Variants in PTGER2 observed in about 807,000 individuals in gnomAD.
The protein encoded by PTGER2 is prostaglandin E receptor 2.
A neutral mutation model predicts 26.2 loss-of-function variants in PTGER2; 22 were observed. The observed-to-expected ratio is 0.84, with a 90% CI of 0.60 to 1.20. The LOEUF is 1.20. Ranked by LOEUF, PTGER2 falls within the 50% of genes most tolerant of loss-of-function variation. PTGER2 has a pLI of 0.00. For missense variants in PTGER2, 458 were observed against 475.2 expected, an observed-to-expected ratio of 0.96 and a Z score of 0.34; for synonymous variants, 219 against 208.9, an observed-to-expected ratio of 1.05 and a Z score of -0.42.
intron 1 of PTGER2, among the ~76,000 whole-genome samples, chr14:52,318,904 T>G (rs1193500157): frequency 6.6e-6 from 1 of 152,154 alleles, no homozygotes. Flanking sequence ...AATGCTAACT[T>G]TTGCATTAAC....
chr14:52,327,150 A>G, intron 1 of PTGER2, 71 bp from the exon 2 acceptor site: 2 of 1,137,478 alleles, frequency 1.8e-6, no homozygotes, highest in South Asian at 1.5e-5. Context: ...CTCAAGACAT[A>G]ACATAGGGTC....
At chr14:52,317,273 C>T (rs140499524) in intron 1 of PTGER2, among the ~76,000 whole-genome samples, 12 of 152,150 alleles carry the variant, frequency 7.9e-5, no homozygotes, top group South Asian at 6.2e-4. Flanking sequence ...ACTTGTGAAA[C>T]GATTTTTAGT....
chr14:52,317,948 T>C (rs1438499659), intron 1 of PTGER2, among the ~76,000 whole-genome samples: 1 of 152,266 alleles, frequency 6.6e-6, no homozygotes, highest in Non-Finnish European at 1.5e-5. Context: ...GAATAATTGC[T>C]AGTATCTTTC....
Position 52,314,933 on chromosome 14 carries a change from G to T in PTGER2, c.385G>T (p.Ala129Ser), listed in dbSNP as rs762280481. 6.2e-7 allele frequency: 1 copy of T among 1,612,688 alleles called. No homozygotes were observed. Among genetic ancestry groups the T allele is most frequent in the Admixed American group, 1.7e-5 (1 of 59,964 alleles). The part of the protein sequence containing the change: ...FSLATMLMLF[A>S]MALERYLSIG... Reference sequence around the variant, plus strand: ...CCTGGCCACGATGCTCATGCTCTTCGCCATGGCCCTGGAGCGCTACCTCTC... The same window carrying T: ...CCTGGCCACGATGCTCATGCTCTTCTCCATGGCCCTGGAGCGCTACCTCTC... Residue 129 changes from alanine to serine, a missense_variant, in exon 1 of 2, where the codon GCC becomes TCC. Coordinates refer to ENST00000245457, the MANE Select transcript of PTGER2 (RefSeq NM_000956.4). The surrounding 1 kb of genome is among the most constrained non-coding windows in gnomAD (Gnocchi z 5.7).
chr14:52,319,369 G>T (rs919498453), intron 1 of PTGER2, among the ~76,000 whole-genome samples: 1 of 152,146 alleles, frequency 6.6e-6, no homozygotes, highest in African/African-American at 2.4e-5. Context: ...GAAATAATCA[G>T]ATTATCCCTC....
intron 1 of PTGER2, among the ~76,000 whole-genome samples, chr14:52,322,590 A>G (rs1018144492): frequency 6.6e-6 from 1 of 152,128 alleles, no homozygotes; most frequent in Non-Finnish European, 1.5e-5. Context: ...CAAATTAACC[A>G]GGGTGGGTTT....
At position 52,314,560 on chromosome 14, in the gene PTGER2, C is replaced by T; in HGVS notation, c.12C>T (p.Ala4=). The change falls in exon 1 of 2, where the codon GCC becomes GCT. Residue 4 remains alanine, a synonymous_variant. Transcript: ENST00000245457. This position sits in a 1 kb window ranked among gnomAD's most constrained non-coding sequence, Gnocchi z 5.7. ...CCAGGCACCCCACCATGGGCAATGC[C>T]TCCAATGACTCCCAGTCTGAGGACT... is the stretch of plus-strand genomic sequence containing the variant. The part of the protein sequence containing the change: MGN[A]SNDSQSEDCE... The T allele has an allele frequency of 6.7e-7, 1 of 1,497,034 alleles. No homozygotes were observed. The allele number at this position is 1,497,034 out of a possible 1,614,324, so 92.7% of individuals were successfully genotyped here.
intron 1 of PTGER2, among the ~76,000 whole-genome samples, chr14:52,317,649 G>C (rs1271158371): frequency 6.6e-6 from 1 of 152,090 alleles, no homozygotes; most frequent in Non-Finnish European, 1.5e-5. Flanking sequence ...TGGCTTAGGG[G>C]GAGCCAGATG....
At chr14:52,322,643 G>A (rs1218301416) in intron 1 of PTGER2, among the ~76,000 whole-genome samples, 2 of 152,092 alleles carry the variant, frequency 1.3e-5, no homozygotes, top group Non-Finnish European at 2.9e-5. Flanking sequence ...CAGGAGACCA[G>A]GGCGTATTTC....
At chr14:52,320,410 C>T (rs1594637535) in intron 1 of PTGER2, among the ~76,000 whole-genome samples, 1 of 152,220 alleles carries the variant, frequency 6.6e-6, no homozygotes, top group East Asian at 1.9e-4. Context: ...TGGGTCCTCA[C>T]TGCTATCTCA....
chr14:52,320,151 T>C (rs549713935), intron 1 of PTGER2, among the ~76,000 whole-genome samples: 74 of 152,366 alleles, frequency 4.9e-4, no homozygotes, highest in African/African-American at 1.5e-3. Flanking sequence ...GAAGGCCCTT[T>C]ATCATTTAAG....
Position 52,328,122 on chromosome 14 carries a change from A to G in PTGER2, c.*668A>G, listed in dbSNP as rs186059271. 1 of 152,744 alleles carries G rather than the reference A, an allele frequency of 6.5e-6. No individual in the cohort carries two copies. Among genetic ancestry groups the G allele is most frequent in the African/African-American group, 2.4e-5 (1 of 41,586 alleles). 9.5% of individuals were successfully genotyped at this position (152,744 alleles called of 1,614,324 possible). A position where few individuals can be genotyped will look rare whatever the true frequency, so the allele number is the denominator to read the frequency against. ...TCAGGTTATTTATTTTATAATGTCCATATGCTAATAGTGATCAAGAAGACT... is the reference window on the plus strand; with the variant it reads ...TCAGGTTATTTATTTTATAATGTCCGTATGCTAATAGTGATCAAGAAGACT... On this transcript the variant is annotated 3_prime_UTR_variant, in exon 2 of 2. Coordinates refer to ENST00000245457, the MANE Select transcript of PTGER2 (RefSeq NM_000956.4).
At chr14:52,318,613 G>A (rs1474661077) in intron 1 of PTGER2, among the ~76,000 whole-genome samples, 1 of 152,162 alleles carries the variant, frequency 6.6e-6, no homozygotes, top group Non-Finnish European at 1.5e-5. Context: ...CTGGCAACAA[G>A]GAGGACAGCT....
intron 1 of PTGER2, among the ~76,000 whole-genome samples, chr14:52,317,291 C>CT (rs2033850641): frequency 6.6e-6 from 1 of 152,150 alleles, no homozygotes; most frequent in Non-Finnish European, 1.5e-5. Flanking sequence ...AGTCTCTTTC[C>CT]TACACGAGCA....
Position 52,314,841 on chromosome 14 carries a change from C to A in PTGER2, c.293C>A (p.Thr98Asn). The stretch of plus-strand genomic sequence containing the variant: ...CTGGCTTCGTACGCGCGGAACCAGA[C>A]CCTGGTGGCACTGGCGCCCGAGAGC... ...VVLASYARNQ[T>N]LVALAPESRA... is the part of the protein sequence containing the mutation. The change falls in exon 1 of 2, where the codon ACC (threonine) becomes AAC (asparagine). Residue 98 changes from threonine to asparagine, a missense_variant. Transcript: ENST00000245457. The surrounding 1 kb of genome is among the most constrained non-coding windows in gnomAD (Gnocchi z 5.7). 2 of 1,613,128 alleles carry A rather than the reference C, an allele frequency of 1.2e-6. No homozygotes were observed. The highest frequency in any genetic ancestry group is 1.7e-6 in the Non-Finnish European group (2 of 1,179,982).
At chr14:52,316,463 A>T (rs1029720748) in intron 1 of PTGER2, among the ~76,000 whole-genome samples, 2 of 152,152 alleles carry the variant, frequency 1.3e-5, no homozygotes, top group East Asian at 3.8e-4. Flanking sequence ...TCCACTTCCT[A>T]ATCTTCAGAA....
intron 1 of PTGER2, among the ~76,000 whole-genome samples, chr14:52,325,335 C>A (rs2033939475): frequency 6.6e-6 from 1 of 152,188 alleles, no homozygotes; most frequent in Admixed American, 6.5e-5. Context: ...GTGGGTTATT[C>A]TCCCCTGAAA....
At chr14:52,324,761 A>G (rs2033932471) in intron 1 of PTGER2, among the ~76,000 whole-genome samples, 1 of 152,234 alleles carries the variant, frequency 6.6e-6, no homozygotes, top group Non-Finnish European at 1.5e-5. Context: ...GACAAGAACC[A>G]AAAGAAAAAA....
intron 1 of PTGER2, among the ~76,000 whole-genome samples, chr14:52,317,580 G>T (rs752757113): frequency 6.6e-6 from 1 of 152,202 alleles, no homozygotes; most frequent in Non-Finnish European, 1.5e-5. Flanking sequence ...TGGCTAAAAG[G>T]TGTTGAGGGA....
Sources: gnomAD v4.1 joint callset for allele counts (sites outside exome capture counted in the v4.1 genomes callset) on GRCh38, gnomAD v4.1.1 for gene constraint, Gnocchi (gnomAD v3.1) non-coding constraint, MANE v1.5 for transcripts, NCBI Gene and HGNC (gene_info 2026-07-23, HGNC 2026-07-21) for gene names.